EDARADD: variants seen among roughly 807,000 people sequenced by gnomAD.
EDARADD encodes ectodysplasin-A receptor-associated adapter protein.
EDARADD carries 20 observed loss-of-function variants against 25.6 expected under a neutral mutation model. The ratio of observed to expected loss-of-function variants is 0.78; its 90% CI spans 0.55 to 1.14. EDARADD has a LOEUF of 1.14. Ranked by LOEUF, EDARADD falls within the 50% of genes most tolerant of loss-of-function variation. The pLI is 0.00. For synonymous variants in EDARADD, 86 were observed against 94.4 expected (o/e 0.91, Z 0.52); for missense variants, 225 against 270.1 (o/e 0.83, Z 1.17).
At position 236,394,472 on chromosome 1, in the gene EDARADD, G is replaced by C. The variant is rs749732456; in HGVS notation, c.28G>C (p.Gly10Arg). The C allele has an allele frequency of 5.0e-6, 8 of 1,614,154 alleles. No individual in the cohort carries two copies. In the South Asian group the frequency reaches 8.8e-5, roughly 18 times the overall value. The change falls in exon 1 of 6, where the codon GGG becomes CGG. Residue 10 changes from glycine (G) to arginine (R), a missense_variant. Transcript: ENST00000334232. ...GGGCCTCAGGACGACTAAACAGATG[G>C]GGAGAGGCACTAAAGCTCCTGGTCA... MGLRTTKQM[G>R]RGTKAPGHQE...
chr1:236,381,645 G>A (rs1457717410), intron 3 of EDARADD, among the ~76,000 whole-genome samples: 6 of 151,676 alleles, frequency 4.0e-5, no homozygotes, highest in Non-Finnish European at 8.8e-5. Context: ...TGGGCATGGT[G>A]GGTCATACCT....
At chr1:236,473,644 G>A (rs932786553) in intron 5 of EDARADD, among the ~76,000 whole-genome samples, 9 of 152,120 alleles carry the variant, frequency 5.9e-5, no homozygotes, top group African/African-American at 2.2e-4. Flanking sequence ...AATTAGCTGG[G>A]CCCGGTGGCG....
chr1:236,453,267 ATTCTTTTT>A (rs1658760756), intron 4 of EDARADD, among the ~76,000 whole-genome samples: 1 of 145,670 alleles, frequency 6.9e-6, no homozygotes, highest in Admixed American at 7.1e-5. Context: ...GTCCCTTGAG[ATTCTTTTT>A]TTCTTTTTTT....
At chr1:236,363,161 C>T (rs1169199007) in intron 3 of EDARADD, among the ~76,000 whole-genome samples, 1 of 149,072 alleles carries the variant, frequency 6.7e-6, no homozygotes, top group Non-Finnish European at 1.5e-5. Context: ...AACCACTACA[C>T]CTGGCCCAGA....
At chr1:236,469,871 G>A (rs916510947) in intron 5 of EDARADD, among the ~76,000 whole-genome samples, 1 of 151,836 alleles carries the variant, frequency 6.6e-6, no homozygotes, top group African/African-American at 2.4e-5. Flanking sequence ...CACCACGCCC[G>A]GCTAATTTTT....
At chr1:236,467,370 C>T (rs1375669745) in intron 4 of EDARADD, among the ~76,000 whole-genome samples, 2 of 151,170 alleles carry the variant, frequency 1.3e-5, no homozygotes, top group Admixed American at 6.6e-5. Flanking sequence ...TTAACATAAA[C>T]GAAGGTGTAC....
intron 3 of EDARADD, among the ~76,000 whole-genome samples, chr1:236,380,326 A>T (rs1191562802): frequency 6.6e-6 from 1 of 151,870 alleles, no homozygotes; most frequent in Non-Finnish European, 1.5e-5. Context: ...TTTTACTTTC[A>T]TTTTTTTTAA....
At chr1:236,408,304 G>C (rs1257239802) in intron 1 of EDARADD, among the ~76,000 whole-genome samples, 1 of 152,138 alleles carries the variant, frequency 6.6e-6, no homozygotes, top group Non-Finnish European at 1.5e-5. Flanking sequence ...CCAGGTTCAA[G>C]CTATTCTTCT....
Position 236,484,602 on chromosome 1 carries a change from C to T in EDARADD, c.*1953C>T, listed in dbSNP as rs1393574979. 14 of 649,336 alleles carry T rather than the reference C, an allele frequency of 2.2e-5. No homozygotes were observed. The highest frequency in any genetic ancestry group is 3.5e-5 in the South Asian group (2 of 56,562). The allele number at this position is 649,336 out of a possible 1,614,324, so 40.2% of individuals were successfully genotyped here. A position where few individuals can be genotyped will look rare whatever the true frequency, so the allele number is the denominator to read the frequency against. Reference sequence around the variant, plus strand: ...CTAGTTAGCTACCCTTGCCCACCGCCGTGGAGTTCGCACCTCTTCCTTAGA... The same window carrying T: ...CTAGTTAGCTACCCTTGCCCACCGCTGTGGAGTTCGCACCTCTTCCTTAGA... On this transcript the variant is annotated 3_prime_UTR_variant, in exon 6 of 6. Coordinates refer to ENST00000334232, the MANE Select transcript of EDARADD (RefSeq NM_145861.4). The surrounding 1 kb of genome is among the most constrained non-coding windows in gnomAD (Gnocchi z 4.1).
chr1:236,416,529 ATTTGAG>A (rs1488362091), intron 3 of EDARADD, among the ~76,000 whole-genome samples: 3 of 152,230 alleles, frequency 2.0e-5, no homozygotes, highest in African/African-American at 7.2e-5. Context: ...TTCTCCTAGA[ATTTGAG>A]TTCTACAAAA....
intron 4 of EDARADD, among the ~76,000 whole-genome samples, chr1:236,442,701 C>A (rs1157653654): frequency 6.6e-6 from 1 of 152,182 alleles, no homozygotes; most frequent in African/African-American, 2.4e-5. Flanking sequence ...ATATTTTAAG[C>A]CCACTGTTAA....
chr1:236,429,667 G>A (rs1323914726), intron 4 of EDARADD, among the ~76,000 whole-genome samples: 1 of 151,918 alleles, frequency 6.6e-6, no homozygotes, highest in Non-Finnish European at 1.5e-5. Context: ...TTACAGGCTT[G>A]AGCCACTGCA....
Position 236,414,289 on chromosome 1 carries a change from A to T in EDARADD, c.150A>T (p.Glu50Asp), listed in dbSNP as rs1207037543. 1 of 1,610,472 alleles carries T rather than the reference A, an allele frequency of 6.2e-7. No homozygotes were observed. Among genetic ancestry groups the T allele is most frequent in the South Asian group, 1.1e-5 (1 of 91,016 alleles). ...MSDKYPIQDT[E>D]LPKAEECDTI... The stretch of plus-strand genomic sequence containing the variant: ...ACAAATATCCCATTCAAGATACGGA[A>T]CTCCCTAAAGGTATGTACAGTTAAA... Residue 50 changes from glutamate (E) to aspartate (D), a missense_variant, in exon 3 of 6, where the codon GAA (glutamate) becomes GAT (aspartate). Coordinates refer to ENST00000334232, the MANE Select transcript of EDARADD (RefSeq NM_145861.4).
chr1:236,396,543 G>A (rs1667518251), intron 1 of EDARADD, among the ~76,000 whole-genome samples: 1 of 152,184 alleles, frequency 6.6e-6, no homozygotes, highest in Non-Finnish European at 1.5e-5. Context: ...GGCAGGGGCC[G>A]AGTTTGAATG....
At chr1:236,438,032 C>A (rs1658306724) in intron 4 of EDARADD, among the ~76,000 whole-genome samples, 1 of 152,164 alleles carries the variant, frequency 6.6e-6, no homozygotes, top group South Asian at 2.1e-4. Context: ...CTTCTGAGGG[C>A]TGTGAGGGAA....
chr1:236,440,911 G>C (rs1253630), intron 4 of EDARADD, among the ~76,000 whole-genome samples: 2 of 151,880 alleles, frequency 1.3e-5, no homozygotes, highest in African/African-American at 2.4e-5. Flanking sequence ...AACTAGGCCA[G>C]TTGATAACCC....
intron 3 of EDARADD, among the ~76,000 whole-genome samples, chr1:236,355,011 T>G (rs1450296795): frequency 6.6e-6 from 1 of 152,220 alleles, no homozygotes; most frequent in African/African-American, 2.4e-5. Context: ...CCTTTCCCTC[T>G]TTGAAGAGAA....
rs200102272 is a variant in EDARADD, at chr1:236,365,160, C to G, written c.-6+14321C>G. On this transcript the variant is annotated intron_variant, in intron 3 of 7. Transcript: ENST00000439430. ...ATAGGTTTTCTTTTCTTTTTTTTTTCTTTCTCTCTCTCTCTCTCTTTGAGA... is the reference window on the plus strand; with the variant it reads ...ATAGGTTTTCTTTTCTTTTTTTTTTGTTTCTCTCTCTCTCTCTCTTTGAGA... Among the ~76,000 whole-genome samples the G allele has an allele frequency of 4.5e-5, 6 of 132,486 alleles. No homozygotes were observed. The East Asian group carries it at 1.5e-3, about 33-fold the overall frequency. 86.9% of individuals were successfully genotyped at this position (132,486 alleles called of 152,430 possible).
At chr1:236,411,798 G>C (rs985327405) in intron 2 of EDARADD, among the ~76,000 whole-genome samples, 3 of 152,086 alleles carry the variant, frequency 2.0e-5, no homozygotes, top group Non-Finnish European at 4.4e-5. Flanking sequence ...TGATCCGCCT[G>C]CCTTGGCCTC....
Sources: allele counts gnomAD v4.1 joint callset (sites outside exome capture counted in the v4.1 genomes callset), GRCh38; gene constraint gnomAD v4.1.1; non-coding constraint Gnocchi (gnomAD v3.1); transcripts MANE v1.5; gene names NCBI Gene and HGNC (gene_info 2026-07-23, HGNC 2026-07-21).